EFCAB6: variants seen among roughly 807,000 people sequenced by gnomAD.
The protein encoded by EFCAB6 is EF-hand calcium-binding domain-containing protein 6.
A neutral mutation model predicts 169.8 loss-of-function variants in EFCAB6; 156 were observed. That is an observed-to-expected ratio of 0.92 (90% CI 0.81 to 1.05). The LOEUF (loss-of-function observed/expected upper bound fraction) is 1.05, where lower values mean the gene tolerates loss of function less well. EFCAB6 is among the 50% of genes least tolerant of loss of function. The probability of loss-of-function intolerance (pLI) is 0.00; values close to 1 mark genes in which losing one functional copy is unlikely to be tolerated. For missense variants in EFCAB6, 1,800 were observed against 1,829.1 expected (o/e 0.98, Z 0.29); for synonymous variants, 698 against 676.4 (o/e 1.03, Z -0.50).
chr22:43,773,007 A>G lies in EFCAB6; in HGVS notation c.236T>C (p.Phe79Ser). The change falls in exon 4 of 32, where the codon TTT becomes TCT. Residue 79 changes from phenylalanine (F) to serine (S), a missense_variant. Physicochemically the swap from Phe to Ser is radical, Grantham distance 155 (BLOSUM62 -2). Transcript: ENST00000262726. ...TDRGDELQKA[F>S]QLLDTGQNLT... is the part of the protein sequence containing the mutation. ...GTTCTGACCAGTATCCAGCAGCTGA[A>G]AGGCTTTTTGCAACTCATCCCCTCT... is the stretch of plus-strand genomic sequence containing the variant. The G allele has an allele frequency of 6.2e-7, 1 of 1,614,234 alleles. No homozygotes were observed. The highest frequency in any genetic ancestry group is 8.5e-7 in the Non-Finnish European group (1 of 1,180,046).
chr22:43,718,063 CCCATCCAT>C (rs71188406), intron 8 of EFCAB6, among the ~76,000 whole-genome samples: 1 of 131,914 alleles, frequency 7.6e-6, no homozygotes, highest in Non-Finnish European at 1.7e-5. Flanking sequence ...CATCCATCCA[CCCATCCAT>C]CCATCCATCC....
At chr22:43,608,350 G>T in intron 22 of EFCAB6, 132 bp downstream of exon 22, 1 of 733,968 alleles carries the variant, frequency 1.4e-6, no homozygotes, top group Non-Finnish European at 2.3e-6. Flanking sequence ...CAGGAGATGA[G>T]ACAGATGCAA....
chr22:43,595,886 A>G (rs566665828), intron 23 of EFCAB6, among the ~76,000 whole-genome samples: 1 of 152,328 alleles, frequency 6.6e-6, no homozygotes, highest in East Asian at 1.9e-4. Flanking sequence ...ACACATTAAA[A>G]GGACCATTCA....
chr22:43,625,121 T>A (rs1489804265), intron 20 of EFCAB6, among the ~76,000 whole-genome samples: 2 of 152,132 alleles, frequency 1.3e-5, no homozygotes, highest in East Asian at 3.9e-4. Flanking sequence ...ATAAAACCTA[T>A]GAATTCAGGG....
intron 20 of EFCAB6, among the ~76,000 whole-genome samples, chr22:43,620,271 C>G (rs1340744140): frequency 6.6e-6 from 1 of 151,698 alleles, no homozygotes; most frequent in African/African-American, 2.4e-5. Flanking sequence ...ATCGCACCAC[C>G]ACGCTCCAGT....
At chr22:43,576,552 T>C (rs2050271311) in intron 25 of EFCAB6, 64 bp from the exon 26 acceptor site, 6 of 1,384,308 alleles carry the variant, frequency 4.3e-6, no homozygotes, top group African/African-American at 3.0e-5. Flanking sequence ...TAAAACACTT[T>C]CCTTAAGTAC....
At chr22:43,699,601 A>C (rs991534478) in intron 10 of EFCAB6, among the ~76,000 whole-genome samples, 3 of 152,176 alleles carry the variant, frequency 2.0e-5, no homozygotes, top group Non-Finnish European at 2.9e-5. Flanking sequence ...GACCATGATA[A>C]GCATACAGAA....
intron 24 of EFCAB6, among the ~76,000 whole-genome samples, chr22:43,584,867 C>A (rs2050955987): frequency 6.6e-6 from 1 of 152,144 alleles, no homozygotes. Context: ...AAAACACATA[C>A]TCTATTTAAG....
intron 10 of EFCAB6, among the ~76,000 whole-genome samples, chr22:43,709,796 G>A (rs2059092348): frequency 1.3e-5 from 2 of 152,180 alleles, no homozygotes; most frequent in African/African-American, 2.4e-5. Context: ...ATGTCACCAT[G>A]TGTAGACAGA....
At chr22:43,804,835 A>G (rs1176052452) in intron 2 of EFCAB6, among the ~76,000 whole-genome samples, 2 of 152,150 alleles carry the variant, frequency 1.3e-5, no homozygotes, top group East Asian at 1.9e-4. Flanking sequence ...TCAATGAAAC[A>G]TGATTTGGTT....
intron 10 of EFCAB6, among the ~76,000 whole-genome samples, chr22:43,707,637 G>A (rs1335644320): frequency 2.0e-5 from 3 of 152,292 alleles, no homozygotes; most frequent in Middle Eastern, 3.4e-3. Flanking sequence ...TCTCAGACAA[G>A]AATTCTGTTC....
At chr22:43,661,309 T>C (rs2056991153) in intron 17 of EFCAB6, among the ~76,000 whole-genome samples, 3 of 152,130 alleles carry the variant, frequency 2.0e-5, no homozygotes, top group Admixed American at 6.5e-5. Context: ...GCCCAGGAGA[T>C]TGAGGCTGCA....
At chr22:43,740,588 G>A (rs1430461684) in intron 6 of EFCAB6, among the ~76,000 whole-genome samples, 1 of 152,178 alleles carries the variant, frequency 6.6e-6, no homozygotes, top group Non-Finnish European at 1.5e-5. Context: ...GTTATGTGCA[G>A]AGCCCCATGC....
chr22:43,634,820 G>T (rs148200261), intron 18 of EFCAB6, among the ~76,000 whole-genome samples: 1 of 152,188 alleles, frequency 6.6e-6, no homozygotes, highest in Non-Finnish European at 1.5e-5. Context: ...CTTAAAGGCC[G>T]TGAGGTGTGA....
At chr22:43,618,761 T>A (rs561703347) in intron 20 of EFCAB6, among the ~76,000 whole-genome samples, 95 of 152,326 alleles carry the variant, frequency 6.2e-4, no homozygotes, top group African/African-American at 2.1e-3. Context: ...CTGTTTACTC[T>A]CCCAGCCCAA....
intron 13 of EFCAB6, among the ~76,000 whole-genome samples, chr22:43,674,256 T>TCCAATTCC (rs2057624350): frequency 1.3e-5 from 2 of 152,260 alleles, no homozygotes; most frequent in African/African-American, 4.8e-5. Context: ...TTCTAATTTT[T>TCCAATTCC]CCAATTCCTT....
chr22:43,784,488 CAA>C (rs113755588), intron 2 of EFCAB6, among the ~76,000 whole-genome samples: 10,837 of 61,698 alleles, frequency 0.18, 1,479 homozygotes, highest in South Asian at 0.38. Flanking sequence ...CTGTCTCTAC[CAA>C]AAAAAAAAAA....
At chr22:43,802,937 C>T (rs1230509992) in intron 2 of EFCAB6, among the ~76,000 whole-genome samples, 1 of 152,206 alleles carries the variant, frequency 6.6e-6, no homozygotes, top group African/African-American at 2.4e-5. Flanking sequence ...AATAGAATGT[C>T]TTCAAAACTA....
chr22:43,806,184 AGGGGGAGGGGAGGG>A, intron 2 of EFCAB6, among the ~76,000 whole-genome samples: 1 of 6,904 alleles, frequency 1.4e-4, no homozygotes, highest in South Asian at 5.6e-3. Flanking sequence ...AGAGGAGAGG[AGGGGGAGGGGAGGG>A]GAGGGGAGGG....
Sources: allele counts gnomAD v4.1 joint callset (sites outside exome capture counted in the v4.1 genomes callset), GRCh38; gene constraint gnomAD v4.1.1; transcripts MANE v1.5; gene names NCBI Gene and HGNC (gene_info 2026-07-23, HGNC 2026-07-21).